NEBL: variants seen among roughly 807,000 people sequenced by gnomAD.
NEBL encodes the protein LIM and SH3 protein 2.
Under a neutral mutation model 140.2 loss-of-function variants are expected in NEBL, and 122 were observed. The ratio of observed to expected loss-of-function variants is 0.87; its 90% CI spans 0.75 to 1.01. The LOEUF is 1.01. NEBL is among the 50% of genes least tolerant of loss of function. NEBL has a pLI of 0.00. For missense variants in NEBL, 1,365 were observed against 1,231.3 expected (o/e 1.11, Z -1.62); for synonymous variants, 436 against 398.9 (o/e 1.09, Z -1.11).
chr10:20,826,098 ATTTC>A (rs1368436129), intron 18 of NEBL, among the ~76,000 whole-genome samples: 1 of 152,180 alleles, frequency 6.6e-6, no homozygotes, highest in Non-Finnish European at 1.5e-5. Flanking sequence ...TCAGGGAAAA[ATTTC>A]TTTCTTCCAA....
chr10:20,886,062 G>T (rs907041668), intron 4 of NEBL, among the ~76,000 whole-genome samples: 3 of 152,164 alleles, frequency 2.0e-5, no homozygotes, highest in Admixed American at 1.3e-4. Flanking sequence ...AATAGCTAAT[G>T]CATGCTGGGC....
chr10:21,073,373 T>C (rs1025109763), intron 2 of NEBL, among the ~76,000 whole-genome samples: 1 of 151,330 alleles, frequency 6.6e-6, no homozygotes, highest in African/African-American at 2.4e-5. Flanking sequence ...TCCCAGCACT[T>C]TGGGAGGCCA....
intron 1 of NEBL, among the ~76,000 whole-genome samples, chr10:21,284,695 A>G (rs990737959): frequency 4.6e-5 from 7 of 152,056 alleles, no homozygotes; most frequent in Non-Finnish European, 5.9e-5. Flanking sequence ...ACTTGGTTCT[A>G]CTCTGAAGAA....
chr10:20,796,076 C>T (rs1300561064), intron 26 of NEBL, among the ~76,000 whole-genome samples: 1 of 152,060 alleles, frequency 6.6e-6, no homozygotes, highest in African/African-American at 2.4e-5. Flanking sequence ...CAAATGAGAA[C>T]TTCTAGGCTG....
intron 2 of NEBL, among the ~76,000 whole-genome samples, chr10:21,061,336 A>G (rs1450652382): frequency 6.8e-6 from 1 of 147,572 alleles, no homozygotes; most frequent in African/African-American, 2.5e-5. Context: ...ATATTATGTG[A>G]TATGTAATAT....
At chr10:20,838,937 C>T (rs1460351738) in intron 13 of NEBL, among the ~76,000 whole-genome samples, 1 of 152,124 alleles carries the variant, frequency 6.6e-6, no homozygotes, top group African/African-American at 2.4e-5. Context: ...ATAAACATAA[C>T]ATGTATATGT....
intron 3 of NEBL, among the ~76,000 whole-genome samples, chr10:21,212,710 G>A (rs1841937388): frequency 6.6e-6 from 1 of 152,210 alleles, no homozygotes; most frequent in East Asian, 1.9e-4. Context: ...AGGCCCTGTG[G>A]CCACTTGCGA....
chr10:20,797,539 G>A (rs10491054), intron 26 of NEBL, among the ~76,000 whole-genome samples: 12,051 of 152,142 alleles, frequency 0.079, 546 homozygotes, highest in Admixed American at 0.1. Context: ...AAACTGACTC[G>A]ATGTGTCCCC....
At chr10:21,234,008 G>GAGATAGATAGATAGATAGATAGAT (rs35919028) in intron 3 of NEBL, among the ~76,000 whole-genome samples, 1 of 139,516 alleles carries the variant, frequency 7.2e-6, no homozygotes, top group Non-Finnish European at 1.5e-5. Context: ...AGGAGATTGT[G>GAGATAGATAGATAGATAGATAGAT]AGATAGATAG....
chr10:20,883,061 C>T (rs184592972), intron 4 of NEBL, among the ~76,000 whole-genome samples: 1 of 152,300 alleles, frequency 6.6e-6, no homozygotes, highest in East Asian at 1.9e-4. Flanking sequence ...CTTACATGCT[C>T]TCTTCAGCCC....
At chr10:20,956,706 A>C (rs968817026) in intron 4 of NEBL, among the ~76,000 whole-genome samples, 1 of 152,204 alleles carries the variant, frequency 6.6e-6, no homozygotes, top group Non-Finnish European at 1.5e-5. Flanking sequence ...TTTTTGTATA[A>C]AGAACAAAAT....
rs192268576 is a variant in NEBL, at chr10:21,095,493, C to A, written c.165-75292G>T. ...GTGTTAAACGGTGCTATTAGCATAA[C>A]TGTACCTTTTAAAACCAAATCACTA... On this transcript the variant is annotated intron_variant, in intron 2 of 6. Coordinates refer to the NEBL transcript ENST00000417816. Among the ~76,000 whole-genome samples, 7 of 152,294 alleles carry A rather than the reference C, an allele frequency of 4.6e-5. No individual in the cohort carries two copies. The East Asian group carries it at 1.4e-3, about 29-fold the overall frequency.
intron 2 of NEBL, among the ~76,000 whole-genome samples, chr10:21,143,448 C>CAAAAA (rs72021692): frequency 1.4e-4 from 9 of 66,422 alleles, no homozygotes; most frequent in Admixed American, 2.0e-4. Context: ...AACTTCATCT[C>CAAAAA]AAAAAAAAAA....
chr10:21,187,606 C>T (rs1177304619), intron 3 of NEBL, among the ~76,000 whole-genome samples: 1 of 151,998 alleles, frequency 6.6e-6, no homozygotes, highest in African/African-American at 2.4e-5. Context: ...CTCAACCTCC[C>T]AGGCTCAAGC....
At position 20,817,687 on chromosome 10, in the gene NEBL, T is replaced by C; in HGVS notation, c.2061A>G (p.Lys687=). 2 of 1,610,484 alleles carry C rather than the reference T, an allele frequency of 1.2e-6. No homozygotes were observed. The highest frequency in any genetic ancestry group is 1.7e-6 in the Non-Finnish European group (2 of 1,176,736). The change falls in exon 21 of 28, where the codon AAA becomes AAG. Residue 687 remains lysine (K), a synonymous_variant. Transcript: ENST00000377122. The part of the protein sequence containing the change: ...RRNQEQLSAV[K]YKGELQRGTA... The stretch of plus-strand genomic sequence containing the variant: ...TTCCCCGTTGAAGTTCTCCCTTATA[T>C]TTTACCTAAGAAGGATAAATAAGAA...
Position 20,897,178 on chromosome 10 carries a change from T to C in NEBL, c.28A>G (p.Lys10Glu), listed in dbSNP as rs1297711109. The stretch of plus-strand genomic sequence containing the variant: ...ATCTTTTCTTCTTCAGTTTCATCTT[T>C]TATATCCTCAAATACAGGGACCCTC... MRVPVFEDIKDETEEEKIGE... is the reference protein window; with the variant it reads MRVPVFEDIEDETEEEKIGE... Residue 10 changes from lysine (K) to glutamate (E), a missense_variant, in exon 1 of 28, where the codon AAA (lysine) becomes GAA (glutamate). By Grantham distance (56) the Lys-to-Glu change is moderately conservative. Coordinates refer to ENST00000377122, the MANE Select transcript of NEBL (RefSeq NM_006393.3). 4 of 1,605,588 alleles carry C rather than the reference T, an allele frequency of 2.5e-6. No homozygotes were observed. Among genetic ancestry groups the C allele is most frequent in the East Asian group, 4.5e-5 (2 of 44,826 alleles).
intron 27 of NEBL, among the ~76,000 whole-genome samples, chr10:20,786,381 A>C (rs1480984585): frequency 2.6e-5 from 4 of 152,222 alleles, no homozygotes; most frequent in Admixed American, 6.5e-5. Context: ...GAAAAAACTC[A>C]TAACATACTC....
Position 21,091,110 on chromosome 10 carries a change from T to C in NEBL, c.165-70909A>G, listed in dbSNP as rs1040775496. On this transcript the variant is annotated intron_variant, in intron 2 of 6. Transcript: ENST00000417816. ...GTCTGTGTATTTCCTTCCCTACCAC[T>C]GTGAACTGGGTTCAAGCCTCCATCA... Among the ~76,000 whole-genome samples the C allele has an allele frequency of 2.0e-5, 3 of 152,244 alleles. No homozygotes were observed. The East Asian group carries it at 5.8e-4, about 29-fold the overall frequency.
rs531382121 is a variant in NEBL at position 21,137,411 on chromosome 10, A to T, written c.164+34972T>A. ...GTTCGTATAGCCTTGGTGTTCATTT[A>T]TAACTCTGAAAAACTGAGAAAACAT... On this transcript the variant is annotated intron_variant, in intron 2 of 6. Transcript: ENST00000417816. Among the ~76,000 whole-genome samples the T allele has an allele frequency of 7.2e-5, 11 of 152,336 alleles. No individual in the cohort carries two copies. The South Asian group carries it at 2.3e-3, about 32-fold the overall frequency.
Sources: gnomAD v4.1 joint callset for allele counts (sites outside exome capture counted in the v4.1 genomes callset) on GRCh38, gnomAD v4.1.1 for gene constraint, MANE v1.5 for transcripts, NCBI Gene and HGNC (gene_info 2026-07-23, HGNC 2026-07-21) for gene names.